Variants in SGPP2 observed in about 807,000 individuals in gnomAD.
The protein encoded by SGPP2 is sphingosine 1-phosphate phosphohydrolase 2.
SGPP2 carries 30 observed loss-of-function variants against 33.9 expected under a neutral mutation model. The ratio of observed to expected loss-of-function variants is 0.89; its 90% CI spans 0.66 to 1.20. The LOEUF (loss-of-function observed/expected upper bound fraction) is 1.20. SGPP2 is among the 50% of genes most tolerant of loss of function. SGPP2 has a pLI of 0.00. For synonymous variants in SGPP2, 233 were observed against 225.0 expected, an observed-to-expected ratio of 1.04 and a Z score of -0.32; for missense variants, 458 against 532.1, an observed-to-expected ratio of 0.86 and a Z score of 1.37.
At chr2:222,474,538 TCA>T (rs765078583) in intron 1 of SGPP2, 28 bp from the exon 2 acceptor site, 13 of 1,606,074 alleles carry the variant, frequency 8.1e-6, no homozygotes, top group Non-Finnish European at 9.4e-6. Flanking sequence ...TTGCATGAAC[TCA>T]CAGAGTCTTC....
rs548350619 is a variant in SGPP2 at position 222,479,754 on chromosome 2, G to A, written c.378+5028G>A. The stretch of plus-strand genomic sequence containing the variant: ...ATGCCTAGTGTTCCATTATTGGAAC[G>A]CGAAGCTTGTGGGAGTTATTTATAT... On this transcript the variant is annotated intron_variant, in intron 2 of 4. Transcript: ENST00000321276. Among the ~76,000 whole-genome samples the A allele has an allele frequency of 9.1e-4, 139 of 152,226 alleles. 2 individuals carry two copies. The South Asian group carries it at 0.011, about 12-fold the overall frequency.
chr2:222,484,613 A>G (rs1486757122), intron 2 of SGPP2, among the ~76,000 whole-genome samples: 1 of 152,174 alleles, frequency 6.6e-6, no homozygotes, highest in African/African-American at 2.4e-5. Context: ...TTACCGAGAA[A>G]AAACAAACAG....
chr2:222,480,443 T>G lies in SGPP2; in HGVS notation c.378+5717T>G, dbSNP rs201339792. Among the ~76,000 whole-genome samples the G allele has an allele frequency of 7.2e-5, 11 of 152,268 alleles. No individual in the cohort carries two copies. In the East Asian group the frequency reaches 2.1e-3, roughly 29 times the overall value. The stretch of plus-strand genomic sequence containing the variant: ...GAGATAAACAGATACAAAGTGAAAG[T>G]AAGGAGAGCACAGATACAATAGAAG... On this transcript the variant is annotated intron_variant, in intron 2 of 4. Transcript: ENST00000321276.
At chr2:222,516,087 T>C (rs1698600373) in intron 2 of SGPP2, among the ~76,000 whole-genome samples, 1 of 152,162 alleles carries the variant, frequency 6.6e-6, no homozygotes, top group Admixed American at 6.5e-5. Flanking sequence ...CATTTTAACA[T>C]AGGTACCTAT....
In SGPP2 at chr2:222,559,171, C is replaced by CCG; in HGVS notation, c.*274_*275insGC. The CCG allele has an allele frequency of 9.9e-6, 1 of 101,390 alleles. No individual in the cohort carries two copies. Among genetic ancestry groups the CCG allele is most frequent in the African/African-American group, 4.7e-5 (1 of 21,362 alleles). The allele number at this position is 101,390 out of a possible 1,614,324, so 6.3% of individuals were successfully genotyped here. A position where few individuals can be genotyped will look rare whatever the true frequency, so the allele number is the denominator to read the frequency against. Reference sequence around the variant, plus strand: ...AAAGGCACACACCGCGCCCCCCCCCCCCCCGCCCGGCCCCTGCTCCTCTCG... The same window carrying CCG: ...AAAGGCACACACCGCGCCCCCCCCCCCGCCCCGCCCGGCCCCTGCTCCTCTCG... On this transcript the variant is annotated 3_prime_UTR_variant, in exon 5 of 5. Coordinates refer to ENST00000321276, the MANE Select transcript of SGPP2 (RefSeq NM_152386.4).
In SGPP2 at chr2:222,521,808, G is replaced by A; in HGVS notation, c.420G>A (p.Lys140=). 2 of 1,610,016 alleles carry A rather than the reference G, an allele frequency of 1.2e-6. No homozygotes were observed. Among genetic ancestry groups the A allele is most frequent in the Non-Finnish European group, 1.7e-6 (2 of 1,178,688 alleles). ...YIGQVAKDVL[K]WPRPSSPPVV... ...GCCAAGTGGCCAAGGATGTCTTGAA[G>A]TGGCCCCGTCCCTCCTCCCCTCCAG... is the stretch of plus-strand genomic sequence containing the variant. Residue 140 remains lysine, a synonymous_variant, in exon 3 of 5, where the codon AAG becomes AAA. Coordinates refer to ENST00000321276, the MANE Select transcript of SGPP2 (RefSeq NM_152386.4).
intron 1 of SGPP2, among the ~76,000 whole-genome samples, chr2:222,463,625 A>G (rs927769208): frequency 5.9e-5 from 9 of 152,148 alleles, no homozygotes; most frequent in African/African-American, 2.2e-4. Context: ...ACCCACTAAC[A>G]TGACTGTCCT....
intron 4 of SGPP2, among the ~76,000 whole-genome samples, chr2:222,533,991 G>T (rs1029889517): frequency 6.6e-6 from 1 of 152,114 alleles, no homozygotes; most frequent in African/African-American, 2.4e-5. Context: ...AAAGGTTAGG[G>T]TTGGGATTGG....
chr2:222,463,063 G>A (rs764812229), intron 1 of SGPP2, among the ~76,000 whole-genome samples: 4 of 152,318 alleles, frequency 2.6e-5, no homozygotes, highest in Middle Eastern at 3.4e-3. Flanking sequence ...AAAATGTGAC[G>A]GAAATTGATG....
intron 1 of SGPP2, among the ~76,000 whole-genome samples, chr2:222,468,384 T>TAA (rs61207611): frequency 0.013 from 1,913 of 142,684 alleles, 35 homozygotes; most frequent in African/African-American, 0.045. Context: ...TCCTTCCTTG[T>TAA]AAAAAAAAAA....
rs200130855 is a variant in SGPP2 at position 222,558,867 on chromosome 2, C to T, written c.1169C>T (p.Pro390Leu). 1.3e-5 allele frequency: 21 copies of T among 1,609,716 alleles called. No homozygotes were observed. The highest frequency in any genetic ancestry group is 1.8e-5 in the Non-Finnish European group (21 of 1,176,312). ...GGCATCTGCGCTACAACCTTTGTGCCGATGCTTCACAGGTTTCTGGGATTA... is the reference window on the plus strand; with the variant it reads ...GGCATCTGCGCTACAACCTTTGTGCTGATGCTTCACAGGTTTCTGGGATTA... ...SVGICATTFV[P>L]MLHRFLGLP Residue 390 changes from proline (P) to leucine (L), a missense_variant, in exon 5 of 5, where the codon CCG (proline) becomes CTG (leucine). Coordinates refer to ENST00000321276, the MANE Select transcript of SGPP2 (RefSeq NM_152386.4).
At chr2:222,522,541 G>A (rs1437674683) in intron 3 of SGPP2, among the ~76,000 whole-genome samples, 1 of 152,212 alleles carries the variant, frequency 6.6e-6, no homozygotes, top group African/African-American at 2.4e-5. Context: ...CTGCTTAAAT[G>A]CCAATTATAG....
intron 2 of SGPP2, among the ~76,000 whole-genome samples, chr2:222,486,231 T>G (rs1267103187): frequency 6.6e-6 from 1 of 152,218 alleles, no homozygotes; most frequent in Non-Finnish European, 1.5e-5. Flanking sequence ...TTTCTGAATT[T>G]GACTCCATGG....
chr2:222,462,157 C>G (rs1385167419), intron 1 of SGPP2, among the ~76,000 whole-genome samples: 2 of 152,068 alleles, frequency 1.3e-5, no homozygotes, highest in African/African-American at 4.8e-5. Context: ...GAGAATAACA[C>G]AAGCAAACAT....
At chr2:222,542,363 A>C (rs1446726358) in intron 4 of SGPP2, among the ~76,000 whole-genome samples, 1 of 152,214 alleles carries the variant, frequency 6.6e-6, no homozygotes, top group Non-Finnish European at 1.5e-5. Context: ...TATAAATGAC[A>C]CTACCCCAAA....
At position 222,476,032 on chromosome 2, in the gene SGPP2, G is replaced by A. The variant is rs892418688; in HGVS notation, c.378+1306G>A. On this transcript the variant is annotated intron_variant, in intron 2 of 4. Coordinates refer to ENST00000321276, the MANE Select transcript of SGPP2 (RefSeq NM_152386.4). This position sits in a 1 kb window ranked among gnomAD's most constrained non-coding sequence, Gnocchi z 4.3. ...TGGTGCATGAAGGCGAAGGAGTCTT[G>A]AAGATCAACCAACTCTAAGGTCAAA... is the stretch of plus-strand genomic sequence containing the variant. Among the ~76,000 whole-genome samples, 3 of 152,332 alleles carry A rather than the reference G, an allele frequency of 2.0e-5. No individual in the cohort carries two copies. The highest frequency in any genetic ancestry group is 3.9e-4 in the East Asian group (2 of 5,188).
intron 2 of SGPP2, among the ~76,000 whole-genome samples, chr2:222,489,470 A>G (rs1215455216): frequency 6.6e-6 from 1 of 152,148 alleles, no homozygotes; most frequent in Non-Finnish European, 1.5e-5. Context: ...AAACAAGCTA[A>G]AGGTTGTTTC....
rs1397201372 is a variant in SGPP2 at position 222,477,369 on chromosome 2, GTATA to G, written c.378+2646_378+2649del. Among the ~76,000 whole-genome samples, 1 of 149,726 alleles carries G rather than the reference GTATA, an allele frequency of 6.7e-6. No individual in the cohort carries two copies. Among genetic ancestry groups the G allele is most frequent in the Non-Finnish European group, 1.5e-5 (1 of 67,818 alleles). ...TAGGTGTGTATATATGTGTATGTGT[GTATA>G]TAGGTGTGTATATATGTGTATAGGT... On this transcript the variant is annotated intron_variant, in intron 2 of 4. Coordinates refer to ENST00000321276, the MANE Select transcript of SGPP2 (RefSeq NM_152386.4). The surrounding 1 kb of genome is among the most constrained non-coding windows in gnomAD (Gnocchi z 6.0).
At chr2:222,463,227 CA>C (rs1040608685) in intron 1 of SGPP2, among the ~76,000 whole-genome samples, 1 of 152,342 alleles carries the variant, frequency 6.6e-6, no homozygotes, top group Non-Finnish European at 1.5e-5. Flanking sequence ...CACATATCCA[CA>C]GTCACCCCAG....
Sources: gnomAD v4.1 joint callset for allele counts (sites outside exome capture counted in the v4.1 genomes callset) on GRCh38, gnomAD v4.1.1 for gene constraint, Gnocchi (gnomAD v3.1) non-coding constraint, MANE v1.5 for transcripts, NCBI Gene and HGNC (gene_info 2026-07-23, HGNC 2026-07-21) for gene names.